Variants in ZNF479 observed in about 807,000 individuals in gnomAD.
The protein encoded by ZNF479 is KRAB zinc finger protein KR19.
In ZNF479, 15 loss-of-function variants were observed where a neutral mutation model predicts 14.7. The observed-to-expected ratio is 1.02, with a 90% CI of 0.68 to 1.57. The LOEUF (loss-of-function observed/expected upper bound fraction) is 1.57, where lower values mean the gene tolerates loss of function less well. Among genes scored for constraint, ZNF479 ranks in the 40% most tolerant of loss-of-function variants. The pLI, the probability that ZNF479 is intolerant of heterozygous loss-of-function variation, is 0.00. For synonymous variants in ZNF479, 145 were observed against 211.5 expected, an observed-to-expected ratio of 0.69 and a Z score of 2.73; for missense variants, 506 against 615.1, an observed-to-expected ratio of 0.82 and a Z score of 1.88.
In ZNF479 at chr7:57,120,896, A is replaced by C; in HGVS notation, c.519T>G (p.Asn173Lys). ...TTCCAGTATATCTTGTTTTATCTCT[A>C]TTGGAATTTGAAAATTTACCAAAGA... ...VKVFGKFSNS[N>K]RDKTRYTGNK... is the part of the protein sequence containing the mutation. The change falls in exon 4 of 4, where the codon AAT becomes AAG. Residue 173 changes from asparagine (N) to lysine (K), a missense_variant. Around this residue, in one of 3 missense-constraint regions of ZNF479, gnomAD observed 420 missense variants for 474.2 expected, o/e 0.89. Coordinates refer to ENST00000319636, the MANE Select transcript of ZNF479 (RefSeq NM_001370129.2). 1 of 1,613,822 alleles carries C rather than the reference A, an allele frequency of 6.2e-7. No homozygotes were observed. Among genetic ancestry groups the C allele is most frequent in the African/African-American group, 1.3e-5 (1 of 75,042 alleles).
intron 3 of ZNF479, among the ~76,000 whole-genome samples, chr7:57,123,562 A>G (rs1325425938): frequency 6.7e-6 from 1 of 150,138 alleles, no homozygotes; most frequent in Non-Finnish European, 1.5e-5. Context: ...AGCCAGGTGC[A>G]GTGGCTCACA....
chr7:57,132,382 G>A lies in ZNF479; in HGVS notation c.-58C>T, dbSNP rs1786472735. The A allele has an allele frequency of 6.2e-7, 1 of 1,613,392 alleles. No individual in the cohort carries two copies. The highest frequency in any genetic ancestry group is 8.5e-7 in the Non-Finnish European group (1 of 1,179,426). On this transcript the variant is annotated 5_prime_UTR_variant, in exon 1 of 4. Coordinates refer to ENST00000319636, the MANE Select transcript of ZNF479 (RefSeq NM_001370129.2). ...CATAGGCTTGGCCTCTAGGAGCAGA[G>A]GACACAGAGCAGTGAAGAGGAGAAC...
rs1175776900 is a variant in ZNF479 at position 57,120,306 on chromosome 7, C to T, written c.1109G>A (p.Arg370Lys). The T allele has an allele frequency of 1.9e-6, 3 of 1,608,374 alleles. No individual in the cohort carries two copies. The highest frequency in any genetic ancestry group is 1.7e-6 in the Non-Finnish European group (2 of 1,177,064). ...QAFSLSSNLM[R>K]HRRIHTGEKP... ...CTCTCCAGTATGAATTCTCCTATGT[C>T]TCATAAGGTTCGAGGATAAGCTAAA... Residue 370 changes from arginine to lysine, a missense_variant, in exon 4 of 4, where the codon AGA (arginine) becomes AAA (lysine). This residue lies in a region of ZNF479 where 420 missense variants were observed against 474.2 expected (regional missense o/e 0.89). Coordinates refer to ENST00000319636, the MANE Select transcript of ZNF479 (RefSeq NM_001370129.2).
intron 3 of ZNF479, 82 bp downstream of exon 3, chr7:57,125,936 C>T (rs1786147081): frequency 5.2e-6 from 8 of 1,529,894 alleles, no homozygotes; most frequent in Non-Finnish European, 6.2e-6. Context: ...CACAGCTCCC[C>T]AGACCACATT....
chr7:57,131,359 TGGAGA>T (rs1786408959), intron 1 of ZNF479, among the ~76,000 whole-genome samples: 1 of 151,916 alleles, frequency 6.6e-6, no homozygotes, highest in South Asian at 2.1e-4. Flanking sequence ...GGCCAAAAGT[TGGAGA>T]CCTACCTGGC....
At chr7:57,135,827 T>C (rs1786621018), upstream of ZNF479, among the ~76,000 whole-genome samples, 1 of 152,034 alleles carries the variant, frequency 6.6e-6, no homozygotes, top group Admixed American at 6.6e-5. Flanking sequence ...GTGGGAAACT[T>C]GAGAGCAGAT....
intron 1 of ZNF479, among the ~76,000 whole-genome samples, chr7:57,128,695 A>G (rs771642507): frequency 2.6e-5 from 4 of 152,198 alleles, no homozygotes; most frequent in Non-Finnish European, 5.9e-5. Flanking sequence ...TATTTTTTTC[A>G]GAACCCCTTG....
At position 57,131,267 on chromosome 7, in the gene ZNF479, TA is replaced by T. The variant is rs534822896; in HGVS notation, c.39+1018del. Among the ~76,000 whole-genome samples the T allele has an allele frequency of 3.4e-3, 496 of 146,076 alleles. 2 individuals are homozygous for T. Among genetic ancestry groups the T allele is most frequent in the African/African-American group, 0.011 (435 of 39,878 alleles). On this transcript the variant is annotated intron_variant, in intron 1 of 3. Transcript: ENST00000319636. ...GTACCCCTGAACCTAAAATAAAAGG[TA>T]AAAAAAAAAATCAGCTGGGTGCGGT...
chr7:57,129,723 A>C (rs1419012750), intron 1 of ZNF479, among the ~76,000 whole-genome samples: 2 of 152,178 alleles, frequency 1.3e-5, no homozygotes, highest in African/African-American at 4.8e-5. Flanking sequence ...GGGAGTTGGT[A>C]CTAAGTGCTG....
Position 57,118,137 on chromosome 7 carries a change from C to T in ZNF479, c.*1703G>A, listed in dbSNP as rs1554399365. On this transcript the variant is annotated 3_prime_UTR_variant, in exon 4 of 4. Transcript: ENST00000319636. ...CTGGAGGTTTTGAAAAAATGTTTTT[C>T]ACATTCATTACATGTTTAGACTTTC... Among the ~76,000 whole-genome samples the T allele has an allele frequency of 6.6e-6, 1 of 152,246 alleles. No individual in the cohort carries two copies. Among genetic ancestry groups the T allele is most frequent in the Non-Finnish European group, 1.5e-5 (1 of 68,040 alleles).
intron 1 of ZNF479, among the ~76,000 whole-genome samples, chr7:57,131,723 C>G (rs1475476760): frequency 2.0e-5 from 3 of 152,084 alleles, no homozygotes; most frequent in Non-Finnish European, 4.4e-5. Flanking sequence ...AACTACATAA[C>G]TGTACCAAAC....
chr7:57,127,425 C>T (rs181939395), intron 1 of ZNF479: 4,047 of 366,916 alleles, frequency 0.011, 48 homozygotes, highest in South Asian at 0.06. Context: ...CCTCTCAAGT[C>T]TTAGTATGTG....
chr7:57,126,513 G>A (rs1786173469), intron 2 of ZNF479, 79 bp downstream of exon 2: 1 of 1,364,850 alleles, frequency 7.3e-7, no homozygotes, highest in Admixed American at 2.3e-5. Context: ...ATTCATTCAT[G>A]CAAAGCAGAA....
intron 1 of ZNF479, among the ~76,000 whole-genome samples, chr7:57,131,286 G>C (rs1172379528): frequency 6.6e-6 from 1 of 151,992 alleles, no homozygotes; most frequent in East Asian, 1.9e-4. Context: ...AAATCAGCTG[G>C]GTGCGGTGGC....
intron 1 of ZNF479, among the ~76,000 whole-genome samples, chr7:57,131,450 C>A (rs981504356): frequency 2.0e-5 from 3 of 151,742 alleles, no homozygotes; most frequent in African/African-American, 7.3e-5. Context: ...GTAATTCCAG[C>A]CACTCGGGAG....
chr7:57,121,017 C>G lies in ZNF479; in HGVS notation c.398G>C (p.Gly133Ala). 1 of 1,614,030 alleles carries G rather than the reference C, an allele frequency of 6.2e-7. No individual in the cohort carries two copies. Among genetic ancestry groups the G allele is most frequent in the African/African-American group, 1.3e-5 (1 of 75,012 alleles). ...ACCTCCCTTGTGCACCTCATATTCA[C>G]CCACACTTTTACAGCATTTTTTAAA... ...LQFKKCCKSV[G>A]EYEVHKGGYS... Residue 133 changes from glycine (G) to alanine (A), a missense_variant, in exon 4 of 4, where the codon GGT becomes GCT. Gly to Ala is a moderately conservative substitution (Grantham distance 60). Coordinates refer to ENST00000319636, the MANE Select transcript of ZNF479 (RefSeq NM_001370129.2).
chr7:57,117,920 T>C lies in ZNF479; in HGVS notation c.*1920A>G, dbSNP rs1389705169. ...CTCGAAAAAAACTACTTCTTTAACA[T>C]GTATATGGTGTTAGCTTTGGATCTC... On this transcript the variant is annotated 3_prime_UTR_variant, in exon 4 of 4. Coordinates refer to ENST00000319636, the MANE Select transcript of ZNF479 (RefSeq NM_001370129.2). Among the ~76,000 whole-genome samples, 1 of 152,280 alleles carries C rather than the reference T, an allele frequency of 6.6e-6. No individual in the cohort carries two copies. The highest frequency in any genetic ancestry group is 1.5e-5 in the Non-Finnish European group (1 of 68,048).
chr7:57,138,513 T>A (rs1786745279), intron 1 of ZNF479, among the ~76,000 whole-genome samples: 1 of 152,134 alleles, frequency 6.6e-6, no homozygotes, highest in Non-Finnish European at 1.5e-5. Flanking sequence ...CCAATGTGGA[T>A]CTGTCCAAAG....
chr7:57,120,968 C>T lies in ZNF479; in HGVS notation c.447G>A (p.Leu149=). The T allele has an allele frequency of 6.2e-7, 1 of 1,614,068 alleles. No homozygotes were observed. Among genetic ancestry groups the T allele is most frequent in the Non-Finnish European group, 8.5e-7 (1 of 1,180,010 alleles). Residue 149 remains leucine (L), a synonymous_variant, in exon 4 of 4, where the codon TTG becomes TTA. Coordinates refer to ENST00000319636, the MANE Select transcript of ZNF479 (RefSeq NM_001370129.2). ...KGGYSEVNQC[L]STTQNKIFQT... is the part of the protein sequence containing the mutation. ...GAAATATTTTGTTTTGGGTAGTTGA[C>T]AAACATTGGTTAACTTCACTATAAC...
Sources: gnomAD v4.1 joint callset for allele counts (sites outside exome capture counted in the v4.1 genomes callset) on GRCh38, gnomAD v4.1.1 for gene constraint, gnomAD v4.1.1 regional missense constraint, MANE v1.5 for transcripts, NCBI Gene and HGNC (gene_info 2026-07-23, HGNC 2026-07-21) for gene names.